Variants in RALY observed in about 807,000 individuals in gnomAD.
RALY encodes RNA-binding protein Raly.
RALY carries 15 observed loss-of-function variants against 30.7 expected under a neutral mutation model. That is an observed-to-expected ratio of 0.49 (90% CI 0.33 to 0.75). The LOEUF (loss-of-function observed/expected upper bound fraction) is 0.75, where lower values mean the gene tolerates loss of function less well. Ranked by LOEUF, RALY falls within the 30% of genes least tolerant of loss-of-function variation. RALY has a pLI of 0.02. For synonymous variants in RALY, 177 were observed against 170.8 expected (o/e 1.04, Z -0.28); for missense variants, 339 against 414.3 (o/e 0.82, Z 1.58).
intron 2 of RALY, among the ~76,000 whole-genome samples, chr20:34,057,843 G>A (rs1165958530): frequency 1.3e-5 from 2 of 152,052 alleles, no homozygotes; most frequent in Non-Finnish European, 2.9e-5. Context: ...GTGAATAACA[G>A]TATGTGGGGG....
chr20:34,005,277 T>C (rs2031106037), intron 1 of RALY, among the ~76,000 whole-genome samples: 1 of 152,074 alleles, frequency 6.6e-6, no homozygotes, highest in African/African-American at 2.4e-5. Flanking sequence ...TTTGGGAGGC[T>C]GAGGCAGGCA....
chr20:34,063,194 A>G (rs996205473), intron 2 of RALY, among the ~76,000 whole-genome samples: 2 of 152,240 alleles, frequency 1.3e-5, no homozygotes, highest in African/African-American at 4.8e-5. Flanking sequence ...GGCTTAGTGC[A>G]GTTCCTGGGA....
intron 2 of RALY, among the ~76,000 whole-genome samples, chr20:34,061,871 C>G (rs1330419003): frequency 2.0e-5 from 3 of 152,176 alleles, no homozygotes; most frequent in African/African-American, 7.2e-5. Context: ...GGAGCCTGTT[C>G]CACATGAGGG....
intron 1 of RALY, among the ~76,000 whole-genome samples, chr20:33,999,290 C>CA (rs1307514302): frequency 2.0e-5 from 3 of 151,986 alleles, no homozygotes; most frequent in Admixed American, 6.6e-5. Context: ...GAAGAAGGAG[C>CA]ACGTAAGGGA....
chr20:34,064,885 T>C (rs2033524085), intron 2 of RALY, among the ~76,000 whole-genome samples: 1 of 152,242 alleles, frequency 6.6e-6, no homozygotes, highest in South Asian at 2.1e-4. Flanking sequence ...AGTTGAGGAC[T>C]CTGAGGCCCA....
intron 1 of RALY, among the ~76,000 whole-genome samples, chr20:34,024,113 C>A (rs1203827233): frequency 6.6e-6 from 1 of 152,068 alleles, no homozygotes; most frequent in South Asian, 2.1e-4. Flanking sequence ...TGGACAGATT[C>A]CCCTCCCTGC....
intron 2 of RALY, among the ~76,000 whole-genome samples, chr20:34,054,493 T>C (rs1009656795): frequency 2.6e-5 from 4 of 152,166 alleles, no homozygotes; most frequent in Non-Finnish European, 5.9e-5. Context: ...GGGTTTGTAC[T>C]CAGAAAACTC....
intron 2 of RALY, chr20:34,065,003 C>T (rs1160668875): frequency 6.6e-6 from 1 of 152,142 alleles, no homozygotes; most frequent in African/African-American, 2.4e-5. Flanking sequence ...ATTTCATGTG[C>T]ATTTGTCCTT....
At chr20:34,023,923 G>A (rs1184867401) in intron 1 of RALY, among the ~76,000 whole-genome samples, 1 of 152,208 alleles carries the variant, frequency 6.6e-6, no homozygotes, top group Non-Finnish European at 1.5e-5. Context: ...ATGACAGGCT[G>A]GGTGTGGTGG....
At chr20:33,998,826 T>G (rs2030766131) in intron 1 of RALY, among the ~76,000 whole-genome samples, 1 of 151,752 alleles carries the variant, frequency 6.6e-6, no homozygotes, top group African/African-American at 2.4e-5. Context: ...CAAGAGTGTG[T>G]GCAGAAAAAA....
intron 5 of RALY, among the ~76,000 whole-genome samples, chr20:34,074,751 T>C (rs924607872): frequency 1.3e-5 from 2 of 152,250 alleles, no homozygotes; most frequent in Admixed American, 6.5e-5. Flanking sequence ...TCTGGGATTC[T>C]GTGGTTCAGT....
At chr20:34,044,327 C>CTTT (rs754831156) in intron 2 of RALY, among the ~76,000 whole-genome samples, 1 of 145,140 alleles carries the variant, frequency 6.9e-6, no homozygotes, top group South Asian at 2.2e-4. Context: ...ATGTGCGTTA[C>CTTT]TTTTTTTTTT....
At chr20:33,995,085 TCA>T (rs577285575) in intron 1 of RALY, among the ~76,000 whole-genome samples, 133 of 152,296 alleles carry the variant, frequency 8.7e-4, no homozygotes, top group Non-Finnish European at 1.6e-3. Flanking sequence ...TAGCCTTGGG[TCA>T]CACCATTTAA....
intron 1 of RALY, chr20:34,016,586 T>C (rs1351935308): frequency 2.0e-5 from 3 of 152,262 alleles, no homozygotes; most frequent in Non-Finnish European, 2.9e-5. Context: ...GAAACACTTA[T>C]CTAGAGAAAG....
intron 2 of RALY, chr20:34,065,141 A>G (rs921772578): frequency 2.0e-5 from 3 of 152,222 alleles, no homozygotes; most frequent in Non-Finnish European, 4.4e-5. Flanking sequence ...AGAGGAGGAC[A>G]CTCAAGAAAT....
At position 34,077,251 on chromosome 20, in the gene RALY, G is replaced by A. The variant is rs753493992; in HGVS notation, c.876+6G>A. ...CACACAGCGAGGAAGAGCTGGTGAGGGCCTGGCCAGGGGCACGACTGGGAC... is the reference window on the plus strand; with the variant it reads ...CACACAGCGAGGAAGAGCTGGTGAGAGCCTGGCCAGGGGCACGACTGGGAC... On this transcript the variant is annotated splice_donor_region_variant and intron_variant, in intron 8 of 9. Coordinates refer to ENST00000246194, the MANE Select transcript of RALY (RefSeq NM_016732.3). 2 of 1,613,486 alleles carry A rather than the reference G, an allele frequency of 1.2e-6. No individual in the cohort carries two copies. The highest frequency in any genetic ancestry group is 2.7e-5 in the African/African-American group (2 of 74,914).
At chr20:34,062,236 G>A (rs888182038) in intron 2 of RALY, among the ~76,000 whole-genome samples, 2 of 152,160 alleles carry the variant, frequency 1.3e-5, no homozygotes, top group Admixed American at 1.3e-4. Context: ...TACTCTAGAG[G>A]ATCTGTAAGG....
chr20:34,072,495 A>G (rs1289669972), intron 3 of RALY, among the ~76,000 whole-genome samples, 165 bp downstream of exon 3: 1 of 152,198 alleles, frequency 6.6e-6, no homozygotes, highest in Non-Finnish European at 1.5e-5. Context: ...ATTAATCCCT[A>G]TAGGGAAGAA....
rs532976604 is a variant in RALY at position 34,013,585 on chromosome 20, T to C, written c.-92-17937T>C. On this transcript the variant is annotated intron_variant, in intron 1 of 9. Coordinates refer to ENST00000246194, the MANE Select transcript of RALY (RefSeq NM_016732.3). Reference sequence around the variant, plus strand: ...CTGACAGACTCCTGTTTATCTTTCATATCAATTCCAATGCCACTTCCTCAG... The same window carrying C: ...CTGACAGACTCCTGTTTATCTTTCACATCAATTCCAATGCCACTTCCTCAG... Among the ~76,000 whole-genome samples the C allele has an allele frequency of 2.6e-5, 4 of 152,312 alleles. No individual in the cohort carries two copies. The East Asian group carries it at 7.7e-4, about 29-fold the overall frequency.
Sources: allele counts gnomAD v4.1 joint callset (sites outside exome capture counted in the v4.1 genomes callset), GRCh38; gene constraint gnomAD v4.1.1; transcripts MANE v1.5; gene names NCBI Gene and HGNC (gene_info 2026-07-23, HGNC 2026-07-21).